Variants in XRN2 observed in about 807,000 individuals in gnomAD.
The protein encoded by XRN2 is DHM1-like protein.
Under a neutral mutation model 138.5 loss-of-function variants are expected in XRN2, and 44 were observed. The observed-to-expected ratio is 0.32, with a 90% CI of 0.25 to 0.41. The LOEUF (loss-of-function observed/expected upper bound fraction) is 0.41. XRN2 is among the 10% of genes least tolerant of loss of function. XRN2 has a pLI of 1.00. For synonymous variants in XRN2, 354 were observed against 369.4 expected, an observed-to-expected ratio of 0.96 and a Z score of 0.48; for missense variants, 937 against 1,169.3, an observed-to-expected ratio of 0.80 and a Z score of 2.90.
intron 13 of XRN2, among the ~76,000 whole-genome samples, chr20:21,336,457 T>C (rs994901675): frequency 5.3e-5 from 8 of 152,136 alleles, no homozygotes; most frequent in Non-Finnish European, 1.2e-4. Context: ...GCAAGTCTCT[T>C]GTCTCCAAAG....
chr20:21,324,660 A>T (rs1388358735), intron 1 of XRN2, among the ~76,000 whole-genome samples: 2 of 151,956 alleles, frequency 1.3e-5, no homozygotes, highest in Admixed American at 6.6e-5. Flanking sequence ...AAGAGATGAG[A>T]TCTTACTCTG....
chr20:21,311,196 A>G (rs1170731811), intron 1 of XRN2, among the ~76,000 whole-genome samples: 5 of 152,232 alleles, frequency 3.3e-5, no homozygotes, highest in African/African-American at 2.4e-5. Flanking sequence ...ACTGTCACCA[A>G]TGTCTATTTC....
intron 6 of XRN2, among the ~76,000 whole-genome samples, chr20:21,331,179 T>A (rs2038201941): frequency 6.6e-6 from 1 of 152,196 alleles, no homozygotes; most frequent in Admixed American, 6.5e-5. Flanking sequence ...TGTTATTGAT[T>A]ATTCTTGGGG....
At chr20:21,325,064 T>C (rs1024160029) in intron 1 of XRN2, among the ~76,000 whole-genome samples, 21 of 152,244 alleles carry the variant, frequency 1.4e-4, no homozygotes, top group African/African-American at 5.1e-4. Flanking sequence ...TTCATATAAA[T>C]GGGATTGTAT....
chr20:21,335,939 C>T (rs2038282693), intron 13 of XRN2, among the ~76,000 whole-genome samples: 1 of 152,162 alleles, frequency 6.6e-6, no homozygotes, highest in Non-Finnish European at 1.5e-5. Context: ...CATGATTGGA[C>T]ACCAGGGGAA....
Position 21,356,193 on chromosome 20 carries a change from T to C in XRN2, c.2118+16T>C. On this transcript the variant is annotated intron_variant, in intron 22 of 29. Coordinates refer to ENST00000377191, the MANE Select transcript of XRN2 (RefSeq NM_012255.5). ...TTCCACAGAGGTATGTTACGCAATT[T>C]GGTTAATTAGAAATGCACTTTTTAA... 6.3e-7 allele frequency: 1 copy of C among 1,575,822 alleles called. No individual in the cohort carries two copies. Among genetic ancestry groups the C allele is most frequent in the Non-Finnish European group, 8.6e-7 (1 of 1,161,452 alleles).
intron 14 of XRN2, 78 bp downstream of exon 14, chr20:21,339,166 T>C (rs964327491): frequency 3.5e-6 from 5 of 1,427,362 alleles, no homozygotes; most frequent in Non-Finnish European, 4.9e-6. Flanking sequence ...TTACAGTAGC[T>C]TTATTCCTTG....
chr20:21,308,455 G>C (rs2037833774), intron 1 of XRN2, among the ~76,000 whole-genome samples: 1 of 152,066 alleles, frequency 6.6e-6, no homozygotes, highest in Non-Finnish European at 1.5e-5. Context: ...AACTGGTTGT[G>C]CCATTTTACA....
At chr20:21,340,674 G>A (rs770206611) in intron 14 of XRN2, 47 bp from the exon 15 acceptor site, 1 of 1,596,086 alleles carries the variant, frequency 6.3e-7, no homozygotes, top group Non-Finnish European at 8.6e-7. Flanking sequence ...TCATCTAACT[G>A]TGTTGTGATT....
At chr20:21,352,315 A>G (rs1011521946) in intron 20 of XRN2, among the ~76,000 whole-genome samples, 1 of 152,202 alleles carries the variant, frequency 6.6e-6, no homozygotes, top group South Asian at 2.1e-4. Context: ...ATGTGTGCTT[A>G]TCAACATTAT....
At chr20:21,373,856 T>C (rs2038789457) in intron 27 of XRN2, among the ~76,000 whole-genome samples, 1 of 152,240 alleles carries the variant, frequency 6.6e-6, no homozygotes, top group Non-Finnish European at 1.5e-5. Context: ...GGCGTTCTTA[T>C]ATTCTGGTTA....
intron 1 of XRN2, among the ~76,000 whole-genome samples, chr20:21,318,514 G>C (rs899565879): frequency 6.6e-6 from 1 of 151,592 alleles, no homozygotes; most frequent in African/African-American, 2.4e-5. Context: ...TAATTGATTT[G>C]AGATTTTTTT....
Position 21,331,649 on chromosome 20 carries a change from C to G in XRN2, c.649+16C>G, listed in dbSNP as rs200477715. The G allele has an allele frequency of 6.2e-7, 1 of 1,607,846 alleles. No individual in the cohort carries two copies. Among genetic ancestry groups the G allele is most frequent in the Non-Finnish European group, 8.5e-7 (1 of 1,177,644 alleles). ...AGGCAAAGAGGTAAAGCTTACTTAC[C>G]AATATTTGATTATATGTTCTATTTT... On this transcript the variant is annotated intron_variant, in intron 7 of 29. Coordinates refer to ENST00000377191, the MANE Select transcript of XRN2 (RefSeq NM_012255.5).
At chr20:21,364,376 A>G (rs529662411) in intron 24 of XRN2, among the ~76,000 whole-genome samples, 1 of 152,298 alleles carries the variant, frequency 6.6e-6, no homozygotes, top group African/African-American at 2.4e-5. Context: ...AAGCATTGCT[A>G]TGTCAGAAGA....
intron 1 of XRN2, among the ~76,000 whole-genome samples, chr20:21,313,625 T>G (rs2037916929): frequency 6.6e-6 from 1 of 152,238 alleles, no homozygotes; most frequent in Admixed American, 6.5e-5. Context: ...TTTGGTAAAT[T>G]AATGTTTAGT....
At chr20:21,341,009 A>G (rs1021964550) in intron 15 of XRN2, among the ~76,000 whole-genome samples, 157 bp downstream of exon 15, 25 of 152,298 alleles carry the variant, frequency 1.6e-4, no homozygotes, top group African/African-American at 6.0e-4. Context: ...TGTTAAGTCC[A>G]TCTTTATCAA....
chr20:21,333,918 G>GT lies in XRN2; in HGVS notation c.1068-16dup. Reference sequence around the variant, plus strand: ...GTGCCTACTGGTCCTAATGCATAATGTTTGTCTCTTGCTGACAGGGAAAAT... The same window carrying GT: ...GTGCCTACTGGTCCTAATGCATAATGTTTTGTCTCTTGCTGACAGGGAAAAT... On this transcript the variant is annotated intron_variant, in intron 11 of 29. Coordinates refer to ENST00000377191, the MANE Select transcript of XRN2 (RefSeq NM_012255.5). 1 of 1,614,084 alleles carries GT rather than the reference G, an allele frequency of 6.2e-7. No homozygotes were observed. Among genetic ancestry groups the GT allele is most frequent in the Non-Finnish European group, 8.5e-7 (1 of 1,179,988 alleles).
chr20:21,351,797 G>A (rs931195887), intron 20 of XRN2, among the ~76,000 whole-genome samples: 4 of 152,036 alleles, frequency 2.6e-5, no homozygotes, highest in African/African-American at 9.7e-5. Context: ...TCATTCTTTT[G>A]CATGTGCATA....
chr20:21,331,805 A>G lies in XRN2; in HGVS notation c.687A>G (p.Leu229=). ...PNHDPNTHHC[L]CGADADLIML... ...ATGACCCAAATACTCATCATTGTTT[A>G]TGTGGAGCAGATGGTAAGTTTCTTC... The change falls in exon 8 of 30, where the codon TTA becomes TTG. Residue 229 remains leucine (L), a synonymous_variant. Transcript: ENST00000377191. 1 of 1,610,254 alleles carries G rather than the reference A, an allele frequency of 6.2e-7. No homozygotes were observed. The highest frequency in any genetic ancestry group is 8.5e-7 in the Non-Finnish European group (1 of 1,179,088).
Sources: gnomAD v4.1 joint callset for allele counts (sites outside exome capture counted in the v4.1 genomes callset) on GRCh38, gnomAD v4.1.1 for gene constraint, MANE v1.5 for transcripts, NCBI Gene and HGNC (gene_info 2026-07-23, HGNC 2026-07-21) for gene names.